Variants in RNF130 observed in about 807,000 individuals in gnomAD.
RNF130 encodes the protein ring finger protein 130.
RNF130 carries 21 observed loss-of-function variants against 44.6 expected under a neutral mutation model. The ratio of observed to expected loss-of-function variants is 0.47; its 90% CI spans 0.33 to 0.68. RNF130 has a LOEUF of 0.68. RNF130 is among the 30% of genes least tolerant of loss of function. The pLI, the probability that RNF130 is intolerant of heterozygous loss-of-function variation, is 0.02. For synonymous variants in RNF130, 214 were observed against 210.4 expected, an observed-to-expected ratio of 1.02 and a Z score of -0.15; for missense variants, 479 against 560.6, an observed-to-expected ratio of 0.85 and a Z score of 1.47.
intron 4 of RNF130, among the ~76,000 whole-genome samples, chr5:179,979,809 T>C (rs539138001): frequency 6.6e-6 from 1 of 152,108 alleles, no homozygotes; most frequent in African/African-American, 2.4e-5. Flanking sequence ...ATGTATCTAG[T>C]GAAAAAATAA....
intron 8 of RNF130, among the ~76,000 whole-genome samples, chr5:179,959,064 C>T (rs1762269786): frequency 6.6e-6 from 1 of 152,196 alleles, no homozygotes; most frequent in Non-Finnish European, 1.5e-5. Context: ...AAGCATCACT[C>T]TGTATGCACT....
chr5:179,921,984 G>A (rs1252991067), intron 7 of RNF130, among the ~76,000 whole-genome samples: 2 of 151,546 alleles, frequency 1.3e-5, no homozygotes, highest in East Asian at 1.9e-4. Flanking sequence ...TTGCACCACC[G>A]CACTCCAGAC....
chr5:179,943,078 C>T (rs1761987442), intron 7 of RNF130, among the ~76,000 whole-genome samples: 1 of 152,114 alleles, frequency 6.6e-6, no homozygotes, highest in African/African-American at 2.4e-5. Context: ...GCCTGTAGTC[C>T]CAGCTACTCA....
chr5:179,995,980 T>G (rs1416061711), intron 3 of RNF130, among the ~76,000 whole-genome samples: 1 of 152,186 alleles, frequency 6.6e-6, no homozygotes, highest in African/African-American at 2.4e-5. Flanking sequence ...ACAAAGATTG[T>G]GTTTTCTATT....
intron 1 of RNF130, among the ~76,000 whole-genome samples, chr5:180,048,641 A>C (rs1561707008): frequency 6.6e-6 from 1 of 152,146 alleles, no homozygotes; most frequent in Non-Finnish European, 1.5e-5. Context: ...CTATCTCAAA[A>C]ACGGGAAGAG....
chr5:179,975,912 A>C (rs537745502), intron 5 of RNF130, among the ~76,000 whole-genome samples: 1 of 152,332 alleles, frequency 6.6e-6, no homozygotes, highest in Non-Finnish European at 1.5e-5. Context: ...GCTTTGCAGC[A>C]CGAGAATCGG....
rs1582167927 is a variant in RNF130 at position 179,990,020 on chromosome 5, G to A, written c.694-9820C>T. 2.0e-5 allele frequency among the ~76,000 whole-genome samples: 3 copies of A among 152,254 alleles called. No individual in the cohort carries two copies. In the East Asian group the frequency reaches 5.8e-4, roughly 29 times the overall value. On this transcript the variant is annotated intron_variant, in intron 3 of 8. Transcript: ENST00000521389. ...TGAATTCTCTTAGTGTTTGCTTGTA[G>A]GGTCCAGCCCCACGGGGTTGGTGGG...
chr5:180,033,017 C>T (rs1009713821), intron 2 of RNF130, among the ~76,000 whole-genome samples: 3 of 151,934 alleles, frequency 2.0e-5, no homozygotes, highest in African/African-American at 4.8e-5. Flanking sequence ...CTCTGTTGCC[C>T]GGCGAGAATG....
intron 1 of RNF130, among the ~76,000 whole-genome samples, chr5:180,048,530 T>C (rs2113155332): frequency 6.6e-6 from 1 of 152,228 alleles, no homozygotes; most frequent in Non-Finnish European, 1.5e-5. Context: ...CCCAGCACTT[T>C]GGGAGGCTGA....
At chr5:180,071,085 A>G (rs1429231111) in intron 1 of RNF130, among the ~76,000 whole-genome samples, 2 of 152,064 alleles carry the variant, frequency 1.3e-5, no homozygotes, top group Admixed American at 1.3e-4. Context: ...GATTTGAGGA[A>G]CCTGCCGCTT....
At chr5:179,986,071 T>C (rs1479250447) in intron 3 of RNF130, among the ~76,000 whole-genome samples, 1 of 152,258 alleles carries the variant, frequency 6.6e-6, no homozygotes, top group African/African-American at 2.4e-5. Flanking sequence ...TCCTTTTAAG[T>C]TGTCATATAA....
intron 8 of RNF130, among the ~76,000 whole-genome samples, chr5:179,960,766 A>G (rs548308143): frequency 6.6e-6 from 1 of 152,344 alleles, no homozygotes; most frequent in African/African-American, 2.4e-5. Context: ...TAAAATGCCA[A>G]GAGATGAAAT....
At position 179,955,544 on chromosome 5, in the gene RNF130, A is replaced by T; in HGVS notation, c.*110T>A. The stretch of plus-strand genomic sequence containing the variant: ...GGCATTAGCAATTTTATGAAAAAAT[A>T]AAATGTACTAAAAATAAATGCTTGT... On this transcript the variant is annotated 3_prime_UTR_variant, in exon 9 of 9. Transcript: ENST00000521389. 1.1e-6 allele frequency: 1 copy of T among 890,296 alleles called. No individual in the cohort carries two copies. 55.1% of individuals were successfully genotyped at this position (890,296 alleles called of 1,614,324 possible).
chr5:180,057,027 CAG>C (rs1764840932), intron 1 of RNF130, among the ~76,000 whole-genome samples: 1 of 152,322 alleles, frequency 6.6e-6, no homozygotes, highest in South Asian at 2.1e-4. Flanking sequence ...TCCTGAGTGA[CAG>C]GGGTGAGAGG....
chr5:179,966,425 G>A (rs1762447609), intron 7 of RNF130, among the ~76,000 whole-genome samples: 1 of 152,202 alleles, frequency 6.6e-6, no homozygotes, highest in Admixed American at 6.5e-5. Context: ...AGCCCCGGAG[G>A]TGGAGAGCAC....
intron 7 of RNF130, chr5:179,963,805 C>A: frequency 1.9e-6 from 1 of 526,072 alleles, no homozygotes; most frequent in Non-Finnish European, 3.4e-6. Flanking sequence ...CCATTTAGGT[C>A]CTGAGGTCTG....
chr5:180,022,726 T>C (rs930686175), intron 2 of RNF130, among the ~76,000 whole-genome samples: 5 of 152,352 alleles, frequency 3.3e-5, no homozygotes, highest in African/African-American at 1.2e-4. Flanking sequence ...ACCTTTGCTA[T>C]ACTAGTTTTA....
At chr5:179,987,834 A>T (rs1762989567) in intron 3 of RNF130, among the ~76,000 whole-genome samples, 1 of 152,140 alleles carries the variant, frequency 6.6e-6, no homozygotes, top group African/African-American at 2.4e-5. Flanking sequence ...ATATTGCTGT[A>T]TTATCTTTTT....
At chr5:180,058,646 C>T (rs1291065678) in intron 1 of RNF130, among the ~76,000 whole-genome samples, 1 of 148,766 alleles carries the variant, frequency 6.7e-6, no homozygotes. Context: ...ACCTCTGCCT[C>T]CCGGGTTCAA....
Sources: gnomAD v4.1 joint callset for allele counts (sites outside exome capture counted in the v4.1 genomes callset) on GRCh38, gnomAD v4.1.1 for gene constraint, MANE v1.5 for transcripts, NCBI Gene and HGNC (gene_info 2026-07-23, HGNC 2026-07-21) for gene names.